The following LARP1B variants were observed in gnomAD, a reference collection of about 807,000 sequenced individuals.
The protein encoded by LARP1B is la-related protein 1B.
LARP1B carries 76 observed loss-of-function variants against 114.2 expected under a neutral mutation model. The ratio of observed to expected loss-of-function variants is 0.67; its 90% CI spans 0.55 to 0.81. LARP1B has a LOEUF of 0.81. Among genes scored for constraint, LARP1B ranks in the 30% least tolerant of loss-of-function variants. The pLI, the probability that LARP1B is intolerant of heterozygous loss-of-function variation, is 0.00. For missense variants in LARP1B, 1,014 were observed against 1,075.8 expected (o/e 0.94, Z 0.80); for synonymous variants, 345 against 348.0 (o/e 0.99, Z 0.10).
intron 9 of LARP1B, chr4:128,107,619 C>T: frequency 2.1e-6 from 3 of 1,398,174 alleles, no homozygotes; most frequent in Non-Finnish European, 1.9e-6. Flanking sequence ...TCGTTTTCCC[C>T]TGTAAAATTG....
At chr4:128,107,907 CT>C (rs1384944117) in intron 9 of LARP1B, 1 of 1,535,974 alleles carries the variant, frequency 6.5e-7, no homozygotes, top group Non-Finnish European at 8.7e-7. Context: ...TTCTGAAGCT[CT>C]TGGATGTCAT....
intron 10 of LARP1B, among the ~76,000 whole-genome samples, 165 bp downstream of exon 10, chr4:128,114,907 G>A (rs959570731): frequency 6.6e-6 from 1 of 152,116 alleles, no homozygotes; most frequent in Non-Finnish European, 1.5e-5. Context: ...ATTCTATGAG[G>A]AAAATAAGTT....
chr4:128,082,869 G>A (rs1771095685), intron 5 of LARP1B, among the ~76,000 whole-genome samples: 1 of 150,116 alleles, frequency 6.7e-6, no homozygotes, highest in African/African-American at 2.5e-5. Context: ...CGCAGAGGGG[G>A]ATTTGGCAGG....
rs779307258 is a variant in LARP1B at position 128,074,919 on chromosome 4, T to C, written c.-18-15T>C. ...AAAGTAATTTCAGACCTAACACTTA[T>C]TTGTTACTTCTTAGGCTAGTGATTT... On this transcript the variant is annotated splice_polypyrimidine_tract_variant and intron_variant, in intron 2 of 19. Coordinates refer to ENST00000326639, the MANE Select transcript of LARP1B (RefSeq NM_018078.4). 6 of 1,572,032 alleles carry C rather than the reference T, an allele frequency of 3.8e-6. No individual in the cohort carries two copies. Among genetic ancestry groups the C allele is most frequent in the Non-Finnish European group, 5.2e-6 (6 of 1,146,640 alleles).
intron 9 of LARP1B, among the ~76,000 whole-genome samples, chr4:128,113,826 G>A (rs1383743935): frequency 2.6e-5 from 2 of 75,600 alleles, no homozygotes; most frequent in African/African-American, 1.1e-4. Context: ...CGCTTTTGTT[G>A]CCCAGGCTGG....
intron 11 of LARP1B, among the ~76,000 whole-genome samples, chr4:128,130,008 GA>G (rs1317370688): frequency 6.6e-6 from 1 of 152,146 alleles, no homozygotes; most frequent in African/African-American, 2.4e-5. Flanking sequence ...TAATAAGCTA[GA>G]ATTCTTTAAA....
At chr4:128,140,824 G>GTTTTTT (rs773635049) in intron 11 of LARP1B, among the ~76,000 whole-genome samples, 4 of 138,626 alleles carry the variant, frequency 2.9e-5, no homozygotes, top group Admixed American at 7.5e-5. Flanking sequence ...AATTGTCTCT[G>GTTTTTT]TTTTTTTTTT....
chr4:128,097,769 A>G (rs779695239), intron 7 of LARP1B, among the ~76,000 whole-genome samples: 4 of 152,150 alleles, frequency 2.6e-5, no homozygotes, highest in Non-Finnish European at 5.9e-5. Flanking sequence ...GCGACTGGGA[A>G]AAAGGTGGAA....
At chr4:128,164,687 T>C (rs1739951571) in intron 12 of LARP1B, among the ~76,000 whole-genome samples, 1 of 152,106 alleles carries the variant, frequency 6.6e-6, no homozygotes, top group South Asian at 2.1e-4. Flanking sequence ...TTGCAGGCCA[T>C]TGTGGCTCAT....
intron 11 of LARP1B, among the ~76,000 whole-genome samples, chr4:128,135,621 G>A (rs575659428): frequency 6.6e-6 from 1 of 152,134 alleles, no homozygotes; most frequent in Non-Finnish European, 1.5e-5. Context: ...GCTGCAACAC[G>A]GATGAACCTT....
intron 11 of LARP1B, among the ~76,000 whole-genome samples, chr4:128,126,830 G>A (rs1789811900): frequency 6.7e-6 from 1 of 149,226 alleles, no homozygotes; most frequent in Non-Finnish European, 1.5e-5. Flanking sequence ...TTTAAAAAAA[G>A]GTAAGCAAGA....
intron 17 of LARP1B, among the ~76,000 whole-genome samples, chr4:128,203,439 T>A (rs1756656308): frequency 6.6e-6 from 1 of 151,048 alleles, no homozygotes; most frequent in Non-Finnish European, 1.5e-5. Context: ...AGTGTCGCGA[T>A]CTCGGCTCAC....
At chr4:128,168,931 A>T (rs990403978) in intron 12 of LARP1B, among the ~76,000 whole-genome samples, 4 of 152,110 alleles carry the variant, frequency 2.6e-5, no homozygotes, top group Non-Finnish European at 5.9e-5. Context: ...AAGTGATGCC[A>T]TCTGGGCCTG....
At chr4:128,085,815 G>A (rs1773246705) in intron 5 of LARP1B, among the ~76,000 whole-genome samples, 1 of 152,172 alleles carries the variant, frequency 6.6e-6, no homozygotes, top group South Asian at 2.1e-4. Flanking sequence ...TGTGTGGAAT[G>A]TATGTATTTC....
chr4:128,142,560 G>C (rs903297100), intron 11 of LARP1B, among the ~76,000 whole-genome samples: 7 of 150,798 alleles, frequency 4.6e-5, no homozygotes, highest in Non-Finnish European at 7.4e-5. Context: ...CCAGGCTGGA[G>C]TTCAATGGCG....
At chr4:128,135,401 C>T (rs993816337) in intron 11 of LARP1B, among the ~76,000 whole-genome samples, 1 of 152,076 alleles carries the variant, frequency 6.6e-6, no homozygotes, top group Non-Finnish European at 1.5e-5. Context: ...ATCATGTTAT[C>T]CAGCAATACC....
chr4:128,205,795 C>T (rs1203221123), intron 17 of LARP1B, among the ~76,000 whole-genome samples: 1 of 152,070 alleles, frequency 6.6e-6, no homozygotes, highest in Non-Finnish European at 1.5e-5. Context: ...CTAACACATC[C>T]CCAATTTATC....
intron 12 of LARP1B, among the ~76,000 whole-genome samples, chr4:128,174,336 T>C (rs1291809747): frequency 1.3e-5 from 2 of 152,018 alleles, no homozygotes; most frequent in Admixed American, 1.3e-4. Flanking sequence ...TCTTGTTTCC[T>C]AATATATTTC....
At chr4:128,154,889 T>C (rs1734724058) in intron 11 of LARP1B, among the ~76,000 whole-genome samples, 1 of 152,074 alleles carries the variant, frequency 6.6e-6, no homozygotes, top group Admixed American at 6.6e-5. Context: ...TTCTCCTACC[T>C]CAGCCTCCTG....
Sources: allele counts gnomAD v4.1 joint callset (sites outside exome capture counted in the v4.1 genomes callset), GRCh38; gene constraint gnomAD v4.1.1; transcripts MANE v1.5; gene names NCBI Gene and HGNC (gene_info 2026-07-23, HGNC 2026-07-21).